COL26A1: variants seen among roughly 807,000 people sequenced by gnomAD.
COL26A1 encodes collagen alpha-1(XXVI) chain.
In COL26A1, 41 loss-of-function variants were observed where a neutral mutation model predicts 59.3. That is an observed-to-expected ratio of 0.69 (90% CI 0.54 to 0.90). The LOEUF (loss-of-function observed/expected upper bound fraction) is 0.90, where lower values mean the gene tolerates loss of function less well. Among genes scored for constraint, COL26A1 ranks in the 40% least tolerant of loss-of-function variants. The probability of loss-of-function intolerance (pLI) is 0.00; values close to 1 mark genes in which losing one functional copy is unlikely to be tolerated. For missense variants in COL26A1, 612 were observed against 602.3 expected, an observed-to-expected ratio of 1.02 and a Z score of -0.17; for synonymous variants, 266 against 256.0, an observed-to-expected ratio of 1.04 and a Z score of -0.37.
chr7:101,512,876 A>G (rs992005136), intron 3 of COL26A1, among the ~76,000 whole-genome samples: 1 of 152,164 alleles, frequency 6.6e-6, no homozygotes, highest in African/African-American at 2.4e-5. Flanking sequence ...CCTATGCATG[A>G]TGAAAACTCT....
chr7:101,488,146 G>T lies in COL26A1; in HGVS notation c.385+40359G>T, dbSNP rs1794307043. Among the ~76,000 whole-genome samples, 4 of 150,948 alleles carry T rather than the reference G, an allele frequency of 2.6e-5. No individual in the cohort carries two copies. The South Asian group carries it at 8.5e-4, about 32-fold the overall frequency. ...ACAAAACAAAAATTAGGCAGATGTG[G>T]TGGCGGGTGCCTGTAATCCTAGCTA... On this transcript the variant is annotated intron_variant, in intron 3 of 12. Coordinates refer to ENST00000313669, the MANE Select transcript of COL26A1 (RefSeq NM_001278563.3).
At chr7:101,395,565 G>C (rs894097408) in intron 1 of COL26A1, among the ~76,000 whole-genome samples, 22 of 152,336 alleles carry the variant, frequency 1.4e-4, no homozygotes, top group African/African-American at 5.1e-4. Flanking sequence ...AATCAGCGGG[G>C]CTGGAGGGAA....
chr7:101,431,701 T>C (rs907526988), intron 2 of COL26A1, among the ~76,000 whole-genome samples: 2 of 152,208 alleles, frequency 1.3e-5, no homozygotes, highest in Admixed American at 6.5e-5. Flanking sequence ...GTGATTTTTC[T>C]TCGTTAGGCT....
At chr7:101,366,134 G>A (rs944046058) in intron 1 of COL26A1, among the ~76,000 whole-genome samples, 1 of 152,214 alleles carries the variant, frequency 6.6e-6, no homozygotes, top group African/African-American at 2.4e-5. Context: ...GAGGCTTGGG[G>A]CACATTGATA....
chr7:101,436,578 A>G (rs1320551161), intron 2 of COL26A1, among the ~76,000 whole-genome samples: 1 of 151,780 alleles, frequency 6.6e-6, no homozygotes, highest in Non-Finnish European at 1.5e-5. Flanking sequence ...GGATGGTGCA[A>G]TGTCCCCCCG....
chr7:101,451,330 A>G (rs1357442982), intron 3 of COL26A1, among the ~76,000 whole-genome samples: 2 of 104,996 alleles, frequency 1.9e-5, no homozygotes, highest in Non-Finnish European at 3.3e-5. Context: ...TATAATTTAT[A>G]TTATATTTCT....
rs1402156046 is a variant in COL26A1 at position 101,463,623 on chromosome 7, C to G, written c.385+15836C>G. The stretch of plus-strand genomic sequence containing the variant: ...CCTTTCTTCTTCCCTCCCTCCCTCC[C>G]CCTCTTCCTTCCTTCCTTCCATCCT... On this transcript the variant is annotated intron_variant, in intron 3 of 12. Coordinates refer to ENST00000313669, the MANE Select transcript of COL26A1 (RefSeq NM_001278563.3). 1.5e-4 allele frequency among the ~76,000 whole-genome samples: 15 copies of G among 98,742 alleles called. No individual in the cohort carries two copies. In the East Asian group the frequency reaches 5.7e-3, roughly 37 times the overall value. The allele number at this position is 98,742 out of a possible 152,430, so 64.8% of individuals were successfully genotyped here. A position where few individuals can be genotyped will look rare whatever the true frequency, so the allele number is the denominator to read the frequency against.
intron 1 of COL26A1, among the ~76,000 whole-genome samples, chr7:101,415,956 C>G (rs558960938): frequency 9.4e-6 from 1 of 106,674 alleles, no homozygotes; most frequent in East Asian, 1.9e-4. Context: ...TTTGAGTGTG[C>G]TAGTACTGGT....
intron 3 of COL26A1, among the ~76,000 whole-genome samples, chr7:101,482,018 C>T (rs1164047349): frequency 2.0e-5 from 3 of 150,948 alleles, no homozygotes; most frequent in Admixed American, 6.6e-5. Context: ...TACTCTTTTT[C>T]CTTTTTTTTT....
At chr7:101,387,030 A>G (rs1447225514) in intron 1 of COL26A1, among the ~76,000 whole-genome samples, 1 of 152,092 alleles carries the variant, frequency 6.6e-6, no homozygotes, top group Non-Finnish European at 1.5e-5. Context: ...CACACCAGGA[A>G]ACGCGCCTGC....
chr7:101,363,668 C>A (rs1448842240), intron 1 of COL26A1, among the ~76,000 whole-genome samples: 1 of 151,750 alleles, frequency 6.6e-6, no homozygotes, highest in Non-Finnish European at 1.5e-5. Flanking sequence ...TCCGGGGCTG[C>A]GGTGGTCTCT....
chr7:101,453,353 C>T lies in COL26A1; in HGVS notation c.385+5566C>T, dbSNP rs147755825. On this transcript the variant is annotated intron_variant, in intron 3 of 12. Transcript: ENST00000313669. ...CTGCACTCCAGCCTGGTTGACAGAG[C>T]GAGACCCTGTCTCAAAAAGGAAAAG... 3.4e-3 allele frequency among the ~76,000 whole-genome samples: 510 copies of T among 151,874 alleles called. 6 individuals are homozygous for T. Among genetic ancestry groups the T allele is most frequent in the African/African-American group, 0.011 (473 of 41,314 alleles).
At chr7:101,489,165 G>A (rs980637142) in intron 3 of COL26A1, among the ~76,000 whole-genome samples, 3 of 152,088 alleles carry the variant, frequency 2.0e-5, no homozygotes, top group Non-Finnish European at 4.4e-5. Context: ...TATGAGAGCC[G>A]TGATTTTTTT....
intron 1 of COL26A1, among the ~76,000 whole-genome samples, chr7:101,403,011 T>C (rs1584377041): frequency 6.6e-6 from 1 of 151,856 alleles, no homozygotes; most frequent in Admixed American, 6.6e-5. Flanking sequence ...GCCCAGCTAA[T>C]TTTTAAATTT....
intron 3 of COL26A1, among the ~76,000 whole-genome samples, chr7:101,519,677 T>G (rs1454254087): frequency 6.6e-6 from 1 of 152,210 alleles, no homozygotes; most frequent in Non-Finnish European, 1.5e-5. Context: ...GCCCTCTCTG[T>G]GCCTCAGCCA....
chr7:101,546,722 C>A (rs1241134780), intron 7 of COL26A1, among the ~76,000 whole-genome samples: 1 of 152,132 alleles, frequency 6.6e-6, no homozygotes, highest in African/African-American at 2.4e-5. Flanking sequence ...CTGCTCCAGG[C>A]AGTGTGGTCG....
chr7:101,431,000 C>T (rs1187626001), intron 2 of COL26A1, among the ~76,000 whole-genome samples: 2 of 151,906 alleles, frequency 1.3e-5, no homozygotes, highest in Non-Finnish European at 2.9e-5. Flanking sequence ...TGGGGTTTCG[C>T]CATGTTGGCC....
At chr7:101,471,629 G>GA (rs1334047278) in intron 3 of COL26A1, among the ~76,000 whole-genome samples, 1 of 140,956 alleles carries the variant, frequency 7.1e-6, no homozygotes, top group Non-Finnish European at 1.5e-5. Context: ...GCCCAGGCTG[G>GA]AGTTCAGTGG....
chr7:101,418,583 C>T (rs934645177), intron 1 of COL26A1, among the ~76,000 whole-genome samples: 12 of 152,110 alleles, frequency 7.9e-5, no homozygotes, highest in Non-Finnish European at 1.5e-4. Flanking sequence ...ATACTCCTGC[C>T]TCAGCCTCTT....
Sources: gnomAD v4.1 joint callset for allele counts (sites outside exome capture counted in the v4.1 genomes callset) on GRCh38, gnomAD v4.1.1 for gene constraint, MANE v1.5 for transcripts, NCBI Gene and HGNC (gene_info 2026-07-23, HGNC 2026-07-21) for gene names.